SIN3B: variants seen among roughly 807,000 people sequenced by gnomAD.
SIN3B encodes the protein SIN3 transcription regulator family member B.
A neutral mutation model predicts 120.2 loss-of-function variants in SIN3B; 19 were observed. That is an observed-to-expected ratio of 0.16 (90% CI 0.11 to 0.23). SIN3B has a LOEUF of 0.23. Among genes scored for constraint, SIN3B ranks in the 10% least tolerant of loss-of-function variants. The pLI, the probability that SIN3B is intolerant of heterozygous loss-of-function variation, is 1.00. For missense variants in SIN3B, 1,073 were observed against 1,573.0 expected, an observed-to-expected ratio of 0.68 and a Z score of 5.38; for synonymous variants, 654 against 653.2, an observed-to-expected ratio of 1.00 and a Z score of -0.02.
At chr19:16,875,856 TTGGTC>T (rs376985614) in intron 14 of SIN3B, 194 bp from the exon 15 acceptor site, 7,878 of 629,028 alleles carry the variant, frequency 0.013, 391 homozygotes, top group African/African-American at 0.11. Context: ...TCTGGTCTGT[TTGGTC>T]TGGTCTGGTC....
chr19:16,867,808 C>T (rs113010727), intron 12 of SIN3B, among the ~76,000 whole-genome samples: 1 of 152,156 alleles, frequency 6.6e-6, no homozygotes, highest in African/African-American at 2.4e-5. Context: ...CCGTGGGCCA[C>T]CCTCGCCCCA....
At chr19:16,868,328 C>T (rs554111884) in intron 12 of SIN3B, among the ~76,000 whole-genome samples, 21 of 152,272 alleles carry the variant, frequency 1.4e-4, no homozygotes, top group Admixed American at 3.3e-4. Flanking sequence ...AGGGAAACCT[C>T]AGGCTGCTAG....
At chr19:16,840,827 G>A (rs762433662) in intron 3 of SIN3B, among the ~76,000 whole-genome samples, 14 of 152,208 alleles carry the variant, frequency 9.2e-5, no homozygotes, top group Non-Finnish European at 1.6e-4. Flanking sequence ...CATCTAGTCA[G>A]GGACTGGCAG....
At chr19:16,861,469 A>T (rs994788513) in intron 8 of SIN3B, among the ~76,000 whole-genome samples, 1 of 152,058 alleles carries the variant, frequency 6.6e-6, no homozygotes, top group Non-Finnish European at 1.5e-5. Context: ...TCTACAAAAA[A>T]ATTTTTAAAT....
rs954124401 is a variant in SIN3B, at chr19:16,878,880, G to C, written c.*153G>C. On this transcript the variant is annotated 3_prime_UTR_variant, in exon 19 of 19. Coordinates refer to ENST00000248054, the MANE Select transcript of SIN3B (RefSeq NM_001297595.2). ...CACTCCAGGGCAGGACGCCGCCCCC[G>C]TGGCTCCCGGTCTCCTGTGGGCCTG... 7 of 707,026 alleles carry C rather than the reference G, an allele frequency of 9.9e-6. No homozygotes were observed. The South Asian group carries it at 1.3e-4, about 13-fold the overall frequency. The allele number at this position is 707,026 out of a possible 1,614,324, so 43.8% of individuals were successfully genotyped here.
At position 16,876,447 on chromosome 19, in the gene SIN3B, G is replaced by A. The variant is rs747663437; in HGVS notation, c.2767-39G>A. 1.1e-5 allele frequency: 18 copies of A among 1,593,338 alleles called. No individual in the cohort carries two copies. In the African/African-American group the frequency reaches 2.3e-4, roughly 20 times the overall value. On this transcript the variant is annotated intron_variant, in intron 15 of 18. Coordinates refer to ENST00000248054, the MANE Select transcript of SIN3B (RefSeq NM_001297595.2). The surrounding 1 kb of genome is among the most constrained non-coding windows in gnomAD (Gnocchi z 7.1). ...GAGCCTGCGCTGTGCCGGCTGGGCTGTGCCGGCAGTGGAGGCTGTCAGCGT... is the reference window on the plus strand; with the variant it reads ...GAGCCTGCGCTGTGCCGGCTGGGCTATGCCGGCAGTGGAGGCTGTCAGCGT...
At position 16,862,338 on chromosome 19, in the gene SIN3B, C is replaced by CT. The variant is rs764904773; in HGVS notation, c.1059-11dup. 6.2e-7 allele frequency: 1 copy of CT among 1,607,632 alleles called. No individual in the cohort carries two copies. The highest frequency in any genetic ancestry group is 8.5e-7 in the Non-Finnish European group (1 of 1,174,524). On this transcript the variant is annotated splice_polypyrimidine_tract_variant and intron_variant, in intron 8 of 18. Transcript: ENST00000248054. The surrounding 1 kb of genome is among the most constrained non-coding windows in gnomAD (Gnocchi z 4.7). ...CTGGGGATGACCAGTTACCATGTGT[C>CT]TTTATCTTTGAAGGAAATTTCCAGA...
intron 3 of SIN3B, among the ~76,000 whole-genome samples, chr19:16,838,941 G>T (rs1157080415): frequency 2.1e-5 from 3 of 144,734 alleles, no homozygotes; most frequent in African/African-American, 7.7e-5. Context: ...CAAAGTGCTG[G>T]GATTACAGGT....
At chr19:16,851,158 CTCCCTCCCTTA>C (rs1359100248) in intron 5 of SIN3B, among the ~76,000 whole-genome samples, 3 of 152,278 alleles carry the variant, frequency 2.0e-5, no homozygotes, top group African/African-American at 4.8e-5. Flanking sequence ...CCCAGCCCTT[CTCCCTCCCTTA>C]TCCATAAAGG....
rs181317360 is a variant in SIN3B at position 16,845,458 on chromosome 19, A to T, written c.583-1512A>T. On this transcript the variant is annotated intron_variant, in intron 4 of 18. Coordinates refer to ENST00000248054, the MANE Select transcript of SIN3B (RefSeq NM_001297595.2). ...CGGGTAATTTTTGTATTTTTAGTAG[A>T]GATAGGGTTTCACCATCTTGGCTAG... 3.0e-3 allele frequency among the ~76,000 whole-genome samples: 464 copies of T among 152,188 alleles called. 5 individuals are homozygous for T. The highest frequency in any genetic ancestry group is 0.011 in the African/African-American group (442 of 41,546).
chr19:16,878,794 C>A lies in SIN3B; in HGVS notation c.*67C>A. The A allele has an allele frequency of 3.6e-6, 5 of 1,391,344 alleles. No homozygotes were observed. In the South Asian group the frequency reaches 3.9e-5, roughly 11 times the overall value. 86.2% of individuals were successfully genotyped at this position (1,391,344 alleles called of 1,614,324 possible). ...GACGTGCCCTCGGCCTTGGTCGTGTCGGGGCCGTTTTCTTGAACGACGTGA... is the reference window on the plus strand; with the variant it reads ...GACGTGCCCTCGGCCTTGGTCGTGTAGGGGCCGTTTTCTTGAACGACGTGA... On this transcript the variant is annotated 3_prime_UTR_variant, in exon 19 of 19. Coordinates refer to ENST00000248054, the MANE Select transcript of SIN3B (RefSeq NM_001297595.2).
chr19:16,869,649 C>T lies in SIN3B; in HGVS notation c.1996C>T (p.Leu666Phe). The T allele has an allele frequency of 1.2e-6, 2 of 1,613,660 alleles. No individual in the cohort carries two copies. Among genetic ancestry groups the T allele is most frequent in the Non-Finnish European group, 1.7e-6 (2 of 1,180,030 alleles). The change falls in exon 13 of 19, where the codon CTC (leucine) becomes TTC (phenylalanine). Residue 666 changes from leucine (L) to phenylalanine (F), a missense_variant. Coordinates refer to ENST00000248054, the MANE Select transcript of SIN3B (RefSeq NM_001297595.2). ...HQLLHQFVPS[L>F]FFSQQLDLGA... ...GCTGCTGCACCAGTTCGTGCCCAGC[C>T]TCTTCTTCTCTCAGCAGCTGGACCT...
At chr19:16,871,445 C>T (rs1455304056) in intron 14 of SIN3B, 47 bp downstream of exon 14, 2 of 1,536,026 alleles carry the variant, frequency 1.3e-6, no homozygotes, top group Non-Finnish European at 1.8e-6. Flanking sequence ...GCGGAAATGG[C>T]TCTACCATCA....
chr19:16,829,940 C>A, intron 2 of SIN3B, 43 bp downstream of exon 2: 1 of 1,428,668 alleles, frequency 7.0e-7, no homozygotes, highest in Non-Finnish European at 9.9e-7. Flanking sequence ...CCCCCCTGGG[C>A]CGGAATCGGG....
At chr19:16,857,507 TAAAAA>T (rs996654070) in intron 8 of SIN3B, among the ~76,000 whole-genome samples, 4 of 96,016 alleles carry the variant, frequency 4.2e-5, no homozygotes, top group Non-Finnish European at 9.3e-5. Flanking sequence ...TGCATTAACT[TAAAAA>T]AAATATGTGT....
chr19:16,830,128 C>T (rs1008499105), intron 2 of SIN3B, among the ~76,000 whole-genome samples: 2 of 152,208 alleles, frequency 1.3e-5, no homozygotes, highest in Non-Finnish European at 2.9e-5. Flanking sequence ...TGGGGGGAGG[C>T]AGGGAGGGCG....
chr19:16,834,166 C>T (rs1350836560), intron 3 of SIN3B, among the ~76,000 whole-genome samples: 1 of 152,182 alleles, frequency 6.6e-6, no homozygotes, highest in Non-Finnish European at 1.5e-5. Flanking sequence ...CAAGACTGAT[C>T]TCCAGAACAG....
Position 16,847,051 on chromosome 19 carries a change from C to G in SIN3B, c.664C>G (p.Arg222Gly). 2 of 1,614,178 alleles carry G rather than the reference C, an allele frequency of 1.2e-6. No homozygotes were observed. Among genetic ancestry groups the G allele is most frequent in the Non-Finnish European group, 1.7e-6 (2 of 1,180,002 alleles). The change falls in exon 5 of 19, where the codon CGG (arginine) becomes GGG (glycine). Residue 222 changes from arginine to glycine, a missense_variant. Arg to Gly is a moderately radical substitution (Grantham distance 125, BLOSUM62 -2). Transcript: ENST00000248054. ...GTTCACCGAGGTGGCCAACCTCTTC[C>G]GGGGCCAGGAGGACCTGCTCTCAGA... ...EVFTEVANLF[R>G]GQEDLLSEFG...
Position 16,876,251 on chromosome 19 carries a change from G to T in SIN3B, c.2766+23G>T. On this transcript the variant is annotated intron_variant, in intron 15 of 18. Transcript: ENST00000248054. The surrounding 1 kb of genome is among the most constrained non-coding windows in gnomAD (Gnocchi z 7.1). ...AAGGTGAGAGGAGGCCTGGGGCTGG[G>T]AACACGCCGGGAGGCCCGGCCGCTC... 2 of 1,597,692 alleles carry T rather than the reference G, an allele frequency of 1.3e-6. No homozygotes were observed. The highest frequency in any genetic ancestry group is 1.7e-6 in the Non-Finnish European group (2 of 1,169,660).
Sources: gnomAD v4.1 joint callset for allele counts (sites outside exome capture counted in the v4.1 genomes callset) on GRCh38, gnomAD v4.1.1 for gene constraint, Gnocchi (gnomAD v3.1) non-coding constraint, MANE v1.5 for transcripts, NCBI Gene and HGNC (gene_info 2026-07-23, HGNC 2026-07-21) for gene names.